COL15A1: variants seen among roughly 807,000 people sequenced by gnomAD.
COL15A1 encodes the protein collagen alpha-1(XV) chain.
COL15A1 carries 111 observed loss-of-function variants against 165.9 expected under a neutral mutation model. The ratio of observed to expected loss-of-function variants is 0.67; its 90% confidence interval spans 0.57 to 0.78. The LOEUF is 0.78. COL15A1 is among the 30% of genes least tolerant of loss of function. COL15A1 has a pLI of 0.00. For synonymous variants in COL15A1, 659 were observed against 674.8 expected (o/e 0.98, Z 0.36); for missense variants, 1,745 against 1,789.7 (o/e 0.98, Z 0.45).
intron 2 of COL15A1, among the ~76,000 whole-genome samples, chr9:98,951,366 A>G (rs961413801): frequency 7.9e-5 from 12 of 152,112 alleles, no homozygotes; most frequent in African/African-American, 2.7e-4. Context: ...TTTAATCATG[A>G]TGCTTCCTAG....
At chr9:98,959,247 A>C (rs1045292095) in intron 2 of COL15A1, among the ~76,000 whole-genome samples, 4 of 147,414 alleles carry the variant, frequency 2.7e-5, no homozygotes, top group African/African-American at 7.5e-5. Flanking sequence ...AAAAAAAAAA[A>C]CTAAAAACTA....
At chr9:98,986,219 A>G in intron 3 of COL15A1, 107 bp downstream of exon 3, 6 of 894,754 alleles carry the variant, frequency 6.7e-6, no homozygotes, top group Non-Finnish European at 1.0e-5. Flanking sequence ...TATGTCCTCA[A>G]AGAAGCATGC....
chr9:98,966,953 C>T (rs368291277), intron 2 of COL15A1, among the ~76,000 whole-genome samples: 38 of 152,156 alleles, frequency 2.5e-4, no homozygotes, highest in Non-Finnish European at 2.1e-4. Context: ...CATACAATCA[C>T]GCTAGTCTAG....
chr9:99,041,617 TGG>T (rs893422059), intron 23 of COL15A1, among the ~76,000 whole-genome samples: 4 of 152,018 alleles, frequency 2.6e-5, no homozygotes, highest in Non-Finnish European at 5.9e-5. Context: ...CTGGCTGGGA[TGG>T]GCTGGGGTGC....
At position 99,034,533 on chromosome 9, in the gene COL15A1, T is replaced by C. The variant is rs761894421; in HGVS notation, c.2044-16T>C. The C allele has an allele frequency of 2.5e-6, 4 of 1,585,274 alleles. No homozygotes were observed. Among genetic ancestry groups the C allele is most frequent in the East Asian group, 2.2e-5 (1 of 44,740 alleles). On this transcript the variant is annotated splice_polypyrimidine_tract_variant and intron_variant, in intron 16 of 41. Coordinates refer to ENST00000375001, the MANE Select transcript of COL15A1 (RefSeq NM_001855.5). ...ATGCATTAATTGGTCCATGTTTTTG[T>C]TTTTGTTTTTTTCAGGGAGCAAGAG...
chr9:98,985,155 C>G (rs1003781635), intron 2 of COL15A1, among the ~76,000 whole-genome samples: 1 of 152,094 alleles, frequency 6.6e-6, no homozygotes, highest in Admixed American at 6.6e-5. Flanking sequence ...ATTATATATT[C>G]TAGGGATTAC....
intron 21 of COL15A1, among the ~76,000 whole-genome samples, chr9:99,037,892 G>C (rs1379032875): frequency 1.3e-5 from 2 of 152,174 alleles, no homozygotes; most frequent in African/African-American, 2.4e-5. Context: ...CCAGGTCGAG[G>C]GAGCTGACTG....
intron 2 of COL15A1, among the ~76,000 whole-genome samples, chr9:98,974,274 C>G (rs1423748236): frequency 1.3e-5 from 2 of 152,104 alleles, no homozygotes; most frequent in Non-Finnish European, 2.9e-5. Context: ...GTAGGAAGCT[C>G]CTCCCCAGGT....
At chr9:98,951,460 C>A (rs935076247) in intron 2 of COL15A1, among the ~76,000 whole-genome samples, 1 of 152,236 alleles carries the variant, frequency 6.6e-6, no homozygotes, top group Admixed American at 6.5e-5. Flanking sequence ...CCTCCACTAA[C>A]ACTAAGTCCC....
At chr9:98,990,319 A>G (rs376448204) in intron 5 of COL15A1, among the ~76,000 whole-genome samples, 1 of 152,188 alleles carries the variant, frequency 6.6e-6, no homozygotes, top group African/African-American at 2.4e-5. Context: ...ATGCCCATCC[A>G]TGGGGTCATG....
At chr9:99,040,711 G>C (rs1390809407) in intron 23 of COL15A1, 155 bp downstream of exon 23, 8 of 1,348,122 alleles carry the variant, frequency 5.9e-6, no homozygotes, top group Non-Finnish European at 7.2e-6. Context: ...TAGATATGGG[G>C]TTTTGCCATG....
chr9:99,008,965 A>G (rs891666357), intron 9 of COL15A1, among the ~76,000 whole-genome samples: 1 of 152,240 alleles, frequency 6.6e-6, no homozygotes, highest in African/African-American at 2.4e-5. Context: ...TGGCTCCGAT[A>G]AACAAACAAA....
intron 36 of COL15A1, among the ~76,000 whole-genome samples, 194 bp from the exon 37 acceptor site, chr9:99,061,777 A>G (rs1338792065): frequency 6.6e-6 from 1 of 152,152 alleles, no homozygotes; most frequent in Admixed American, 6.5e-5. Context: ...CAAAGTATAC[A>G]TGTTTTTGTT....
intron 5 of COL15A1, among the ~76,000 whole-genome samples, chr9:98,990,542 A>G (rs1000797635): frequency 6.6e-6 from 1 of 152,246 alleles, no homozygotes; most frequent in Non-Finnish European, 1.5e-5. Context: ...AGTGGCCTTC[A>G]CATCTGATGC....
rs962108463 is a variant in COL15A1, at chr9:99,052,438, A to G, written c.2950+5A>G. 1.3e-6 allele frequency: 2 copies of G among 1,597,886 alleles called. No individual in the cohort carries two copies. The highest frequency in any genetic ancestry group is 1.7e-6 in the Non-Finnish European group (2 of 1,165,556). ...CAGAGCTCATCACTTTTCACGGTAT[A>G]CACTCCCTTCTTCATCATTTGTTTC... On this transcript the variant is annotated splice_donor_5th_base_variant and intron_variant, in intron 31 of 41. Coordinates refer to ENST00000375001, the MANE Select transcript of COL15A1 (RefSeq NM_001855.5).
At chr9:99,015,893 G>C in intron 10 of COL15A1, 83 bp from the exon 11 acceptor site, 1 of 1,519,424 alleles carries the variant, frequency 6.6e-7, no homozygotes, top group East Asian at 2.4e-5. Flanking sequence ...AACTGGGCTG[G>C]CACCACAGAA....
Position 99,070,154 on chromosome 9 carries a change from G to A in COL15A1, c.*268G>A. On this transcript the variant is annotated 3_prime_UTR_variant, in exon 42 of 42. Coordinates refer to ENST00000375001, the MANE Select transcript of COL15A1 (RefSeq NM_001855.5). Reference sequence around the variant, plus strand: ...GTGAACGCATCCCAACATAGGTTAAGAGCAAGTTGAAAACAAAGGCCATGG... The same window carrying A: ...GTGAACGCATCCCAACATAGGTTAAAAGCAAGTTGAAAACAAAGGCCATGG... 2.8e-6 allele frequency: 1 copy of A among 362,898 alleles called. No individual in the cohort carries two copies. Among genetic ancestry groups the A allele is most frequent in the South Asian group, 4.3e-5 (1 of 23,388 alleles). The allele number at this position is 362,898 out of a possible 1,614,324, so 22.5% of individuals were successfully genotyped here. A position where few individuals can be genotyped will look rare whatever the true frequency, so the allele number is the denominator to read the frequency against.
In COL15A1 at chr9:99,070,165, A is replaced by C; in HGVS notation, c.*279A>C. On this transcript the variant is annotated 3_prime_UTR_variant, in exon 42 of 42. Coordinates refer to ENST00000375001, the MANE Select transcript of COL15A1 (RefSeq NM_001855.5). Reference sequence around the variant, plus strand: ...CCAACATAGGTTAAGAGCAAGTTGAAAACAAAGGCCATGGCATTCTGCCAC... The same window carrying C: ...CCAACATAGGTTAAGAGCAAGTTGACAACAAAGGCCATGGCATTCTGCCAC... The C allele has an allele frequency of 2.9e-6, 1 of 343,738 alleles. No individual in the cohort carries two copies. Among genetic ancestry groups the C allele is most frequent in the South Asian group, 4.2e-5 (1 of 23,800 alleles). 21.3% of individuals were successfully genotyped at this position (343,738 alleles called of 1,614,324 possible).
intron 5 of COL15A1, among the ~76,000 whole-genome samples, chr9:98,991,156 T>A (rs1838418259): frequency 6.6e-6 from 1 of 152,168 alleles, no homozygotes; most frequent in Non-Finnish European, 1.5e-5. Flanking sequence ...CTAACAGCGA[T>A]ATTTATTGCA....
Sources: gnomAD v4.1 joint callset for allele counts (sites outside exome capture counted in the v4.1 genomes callset) on GRCh38, gnomAD v4.1.1 for gene constraint, MANE v1.5 for transcripts, NCBI Gene and HGNC (gene_info 2026-07-23, HGNC 2026-07-21) for gene names.